Variants in AKAP6 observed in about 807,000 individuals in gnomAD.
AKAP6 encodes A-kinase anchor protein 6.
In AKAP6, 58 loss-of-function variants were observed where a neutral mutation model predicts 188.5. That is an observed-to-expected ratio of 0.31 (90% CI 0.25 to 0.38). AKAP6 has a LOEUF of 0.38. Among genes scored for constraint, AKAP6 ranks in the 10% least tolerant of loss-of-function variants. The pLI is 1.00. For synonymous variants in AKAP6, 989 were observed against 998.6 expected, an observed-to-expected ratio of 0.99 and a Z score of 0.18; for missense variants, 2,710 against 2,740.0, an observed-to-expected ratio of 0.99 and a Z score of 0.24.
At chr14:32,510,624 T>G (rs1418058818) in intron 2 of AKAP6, among the ~76,000 whole-genome samples, 2 of 151,640 alleles carry the variant, frequency 1.3e-5, no homozygotes. Context: ...TTATATAGCC[T>G]ACTTATAGAC....
intron 1 of AKAP6, among the ~76,000 whole-genome samples, chr14:32,369,149 G>T (rs1887931475): frequency 6.6e-6 from 1 of 152,166 alleles, no homozygotes; most frequent in Non-Finnish European, 1.5e-5. Flanking sequence ...GGCAGAGATT[G>T]GTCATTGCAG....
intron 4 of AKAP6, among the ~76,000 whole-genome samples, chr14:32,576,156 T>C (rs1347548951): frequency 1.3e-5 from 2 of 152,146 alleles, no homozygotes; most frequent in African/African-American, 4.8e-5. Context: ...AGTTAAGCAT[T>C]AAAAATATTA....
chr14:32,718,371 C>T, intron 9 of AKAP6: 1 of 978,146 alleles, frequency 1.0e-6, no homozygotes, highest in Non-Finnish European at 1.2e-6. Flanking sequence ...AAATATTTTT[C>T]TGACAAATAT....
rs1197931133 is a variant in AKAP6, at chr14:32,459,958, A to G, written c.324+26141A>G. On this transcript the variant is annotated intron_variant, in intron 2 of 13. Transcript: ENST00000280979. ...TGATGGGAGAAATATCCATGTAAGG[A>G]CTGCTGGCAGTGATTGGCTGCTCAA... Among the ~76,000 whole-genome samples, 4 of 152,224 alleles carry G rather than the reference A, an allele frequency of 2.6e-5. No individual in the cohort carries two copies. In the East Asian group the frequency reaches 7.7e-4, roughly 29 times the overall value.
In AKAP6 at chr14:32,600,646, C is replaced by G. The variant is rs113244262; in HGVS notation, c.2584C>G (p.Arg862Gly). The G allele has an allele frequency of 1.2e-4, 200 of 1,612,432 alleles. No individual in the cohort carries two copies. In the African/African-American group the frequency reaches 2.2e-3, roughly 18 times the overall value. ...SHKAGLKDMLRMIASQWKELQ... is the reference protein window; with the variant it reads ...SHKAGLKDMLGMIASQWKELQ... Reference sequence around the variant, plus strand: ...TGGAGAAGGACTGAAGGACATGCTGCGGATGATTGCAAGTCAATGGAAGGA... The same window carrying G: ...TGGAGAAGGACTGAAGGACATGCTGGGGATGATTGCAAGTCAATGGAAGGA... The change falls in exon 7 of 14, where the codon CGG becomes GGG. Residue 862 changes from arginine (R) to glycine (G), a missense_variant. By Grantham distance (125) the Arg-to-Gly change is moderately radical. Coordinates refer to ENST00000280979, the MANE Select transcript of AKAP6 (RefSeq NM_004274.5).
intron 12 of AKAP6, among the ~76,000 whole-genome samples, chr14:32,798,939 T>G (rs2033856596): frequency 1.3e-5 from 2 of 152,200 alleles, no homozygotes; most frequent in African/African-American, 2.4e-5. Flanking sequence ...AATTAATATG[T>G]AAAAACTGTT....
At chr14:32,635,347 A>C (rs1242821799) in intron 7 of AKAP6, among the ~76,000 whole-genome samples, 1 of 152,112 alleles carries the variant, frequency 6.6e-6, no homozygotes, top group Non-Finnish European at 1.5e-5. Context: ...ATTAACATCT[A>C]CATAAGTTAT....
At position 32,346,518 on chromosome 14, in the gene AKAP6, A is replaced by T. The variant is rs1214632106; in HGVS notation, c.-35+17110A>T. Among the ~76,000 whole-genome samples the T allele has an allele frequency of 2.0e-5, 3 of 151,902 alleles. No homozygotes were observed. In the East Asian group the frequency reaches 5.8e-4, roughly 29 times the overall value. On this transcript the variant is annotated intron_variant, in intron 1 of 13. Transcript: ENST00000280979. ...GAGAATGTCTTGTTTTATTTTATTT[A>T]TTTTTTTTGAGACGAAGTCTCGCTC...
chr14:32,498,897 T>C (rs1594679833), intron 2 of AKAP6, among the ~76,000 whole-genome samples: 1 of 152,162 alleles, frequency 6.6e-6, no homozygotes, highest in East Asian at 1.9e-4. Context: ...GTTCCATTCA[T>C]TGAGAAACTT....
At chr14:32,353,169 C>G (rs148054160) in intron 1 of AKAP6, among the ~76,000 whole-genome samples, 43 of 152,286 alleles carry the variant, frequency 2.8e-4, no homozygotes, top group African/African-American at 8.7e-4. Context: ...ATAGGAATCC[C>G]TTCCATGTCC....
At position 32,407,382 on chromosome 14, in the gene AKAP6, C is replaced by T. The variant is rs555109495; in HGVS notation, c.-34-26078C>T. 3.3e-5 allele frequency among the ~76,000 whole-genome samples: 5 copies of T among 152,328 alleles called. No individual in the cohort carries two copies. In the South Asian group the frequency reaches 1.0e-3, roughly 32 times the overall value. The stretch of plus-strand genomic sequence containing the variant: ...CCCCACTGTTCTCAGGCCTGGGCTG[C>T]ATCAGCTCTCCAGCTCGGCTATGTG... On this transcript the variant is annotated intron_variant, in intron 1 of 13. Transcript: ENST00000280979.
chr14:32,336,135 T>C (rs1594514071), intron 1 of AKAP6, among the ~76,000 whole-genome samples: 3 of 152,116 alleles, frequency 2.0e-5, no homozygotes, highest in Non-Finnish European at 4.4e-5. Context: ...AGTGGCTGTG[T>C]TAATCTATTA....
intron 7 of AKAP6, among the ~76,000 whole-genome samples, chr14:32,661,791 G>GTTTATTTGTCCAAA (rs1308913294): frequency 5.3e-5 from 8 of 152,138 alleles, no homozygotes; most frequent in Admixed American, 5.2e-4. Context: ...TTTGGACAAA[G>GTTTATTTGTCCAAA]TAATTTATTT....
Position 32,577,098 on chromosome 14 carries a change from CCCTTTTCTTT to C in AKAP6, c.2347-16_2347-7del. ...CATGCCTTTCTTGCCCCTTTTTTTCCCCTTTTCTTTCCTTTCACAAGGGGTTTGTAAACAA... is the reference window on the plus strand; with the variant it reads ...CATGCCTTTCTTGCCCCTTTTTTTCCCCTTTCACAAGGGGTTTGTAAACAA... On this transcript the variant is annotated splice_polypyrimidine_tract_variant and intron_variant, in intron 4 of 13. Transcript: ENST00000280979. 2 of 1,587,892 alleles carry C rather than the reference CCCTTTTCTTT, an allele frequency of 1.3e-6. No individual in the cohort carries two copies. Among genetic ancestry groups the C allele is most frequent in the Non-Finnish European group, 1.7e-6 (2 of 1,172,646 alleles).
At chr14:32,727,645 A>C (rs1267719008) in intron 9 of AKAP6, among the ~76,000 whole-genome samples, 1 of 152,188 alleles carries the variant, frequency 6.6e-6, no homozygotes, top group African/African-American at 2.4e-5. Context: ...CTCAGGTGTC[A>C]TTTGCTGTGC....
intron 8 of AKAP6, among the ~76,000 whole-genome samples, chr14:32,695,453 A>G (rs1461153570): frequency 6.6e-6 from 1 of 152,240 alleles, no homozygotes; most frequent in Non-Finnish European, 1.5e-5. Flanking sequence ...CTGATAGTAT[A>G]TATCAATATA....
chr14:32,676,870 G>T (rs1889449449), intron 7 of AKAP6, among the ~76,000 whole-genome samples: 1 of 152,024 alleles, frequency 6.6e-6, no homozygotes, highest in Admixed American at 6.6e-5. Flanking sequence ...GTCTCACTTT[G>T]TTGCCCAGGC....
chr14:32,493,896 T>C (rs1404192712), intron 2 of AKAP6, among the ~76,000 whole-genome samples: 1 of 152,080 alleles, frequency 6.6e-6, no homozygotes, highest in Non-Finnish European at 1.5e-5. Flanking sequence ...AACATTAAGA[T>C]GTCAGGCAGA....
Position 32,678,408 on chromosome 14 carries a change from G to T in AKAP6, c.2828G>T (p.Arg943Leu). Residue 943 changes from arginine (R) to leucine (L), a missense_variant, in exon 8 of 14, where the codon CGA becomes CTA. Transcript: ENST00000280979. ...YSEQYTSSSK[R>L]KEEFADMSKV... is the part of the protein sequence containing the mutation. ...GAGCAGTATACCAGCAGCAGCAAGC[G>T]AAAGGAAGAGTTTGCTGATATGTCA... 1 of 1,613,930 alleles carries T rather than the reference G, an allele frequency of 6.2e-7. No homozygotes were observed. The highest frequency in any genetic ancestry group is 8.5e-7 in the Non-Finnish European group (1 of 1,179,890).
Sources: gnomAD v4.1 joint callset for allele counts (sites outside exome capture counted in the v4.1 genomes callset) on GRCh38, gnomAD v4.1.1 for gene constraint, MANE v1.5 for transcripts, NCBI Gene and HGNC (gene_info 2026-07-23, HGNC 2026-07-21) for gene names.